The following UCP1 variants were observed in gnomAD, a reference collection of about 807,000 sequenced individuals.
UCP1 encodes mitochondrial brown fat uncoupling protein 1.
UCP1 carries 24 observed loss-of-function variants against 26.2 expected under a neutral mutation model. That is an observed-to-expected ratio of 0.92 (90% CI 0.66 to 1.29). The LOEUF is 1.29. Ranked by LOEUF, UCP1 falls within the 50% of genes most tolerant of loss-of-function variation. The pLI is 0.00. For synonymous variants in UCP1, 164 were observed against 156.8 expected, an observed-to-expected ratio of 1.05 and a Z score of -0.34; for missense variants, 402 against 388.7, an observed-to-expected ratio of 1.03 and a Z score of -0.29.
At chr4:140,560,366 C>T (rs78724285) in intron 5 of UCP1, among the ~76,000 whole-genome samples, 1,652 of 152,288 alleles carry the variant, frequency 0.011, 27 homozygotes, top group African/African-American at 0.038. Context: ...CAAAACAACA[C>T]AGCCCTGATG....
rs749324285 is a variant in UCP1, at chr4:140,563,156, T to A, written c.582A>T (p.Thr194=). 17 of 1,613,840 alleles carry A rather than the reference T, an allele frequency of 1.1e-5. No individual in the cohort carries two copies. In the Admixed American group the frequency reaches 2.8e-4, roughly 27 times the overall value. The change falls in exon 4 of 6, where the codon ACA becomes ACT. Residue 194 remains threonine (T), a synonymous_variant. Coordinates refer to ENST00000262999, the MANE Select transcript of UCP1 (RefSeq NM_021833.5). ...CAAAGGCCTCCTTCATTAGATCATA[T>A]GTTACTAGCTCTGTACAATTGATGA... is the stretch of plus-strand genomic sequence containing the variant. ...SVIINCTELV[T]YDLMKEAFVK...
At chr4:140,565,747 G>A (rs1383648828) in intron 2 of UCP1, among the ~76,000 whole-genome samples, 3 of 151,718 alleles carry the variant, frequency 2.0e-5, no homozygotes, top group Non-Finnish European at 4.4e-5. Flanking sequence ...GGCCCTTCCA[G>A]AATTGATCCA....
In UCP1 at chr4:140,563,204, A is replaced by C; in HGVS notation, c.534T>G (p.Thr178=). 6.2e-7 allele frequency: 1 copy of C among 1,612,724 alleles called. No individual in the cohort carries two copies. The highest frequency in any genetic ancestry group is 1.1e-5 in the South Asian group (1 of 91,062). ...EGLTGLWKGT[T]PNLMRSVIIN... is the part of the protein sequence containing the mutation. ...TGATGACACTTCTCATCAGATTGGG[A>C]GTAGTCCCTGGGGAAAAAAAAAAAG... is the stretch of plus-strand genomic sequence containing the variant. The change falls in exon 4 of 6, where the codon ACT becomes ACG. Residue 178 remains threonine, a synonymous_variant. Coordinates refer to ENST00000262999, the MANE Select transcript of UCP1 (RefSeq NM_021833.5).
chr4:140,564,853 CTTTTT>C (rs34057575), intron 2 of UCP1, among the ~76,000 whole-genome samples: 1 of 151,114 alleles, frequency 6.6e-6, no homozygotes, highest in Non-Finnish European at 1.5e-5. Context: ...GGAAAAGAGG[CTTTTT>C]TTTTAAGAAC....
intron 5 of UCP1, among the ~76,000 whole-genome samples, chr4:140,560,681 C>T (rs1395903575): frequency 6.6e-6 from 1 of 151,922 alleles, no homozygotes. Context: ...ACCCCTCTGC[C>T]CCAATTTTTT....
chr4:140,567,729 G>GAGC (rs953495993), intron 2 of UCP1, 50 bp downstream of exon 2: 38 of 1,608,620 alleles, frequency 2.4e-5, no homozygotes, highest in Non-Finnish European at 3.1e-5. Flanking sequence ...TTTTGGAACA[G>GAGC]AGCGGAGCCC....
At chr4:140,561,169 A>G (rs779726731) in intron 5 of UCP1, among the ~76,000 whole-genome samples, 3 of 152,224 alleles carry the variant, frequency 2.0e-5, no homozygotes, top group Non-Finnish European at 4.4e-5. Flanking sequence ...TTAATGTATC[A>G]TAAGTACAGA....
In UCP1 at chr4:140,563,205, G is replaced by A. The variant is rs1735718524; in HGVS notation, c.533C>T (p.Thr178Ile). 9 of 1,612,334 alleles carry A rather than the reference G, an allele frequency of 5.6e-6. No individual in the cohort carries two copies. The highest frequency in any genetic ancestry group is 7.6e-6 in the Non-Finnish European group (9 of 1,179,288). ...GATGACACTTCTCATCAGATTGGGA[G>A]TAGTCCCTGGGGAAAAAAAAAAAGA... is the stretch of plus-strand genomic sequence containing the variant. ...EGLTGLWKGT[T>I]PNLMRSVIIN... The change falls in exon 4 of 6, where the codon ACT becomes ATT. Residue 178 changes from threonine to isoleucine, a missense_variant. Transcript: ENST00000262999.
rs73856656 is a variant in UCP1, at chr4:140,568,763, G to A, written c.-34C>T. On this transcript the variant is annotated 5_prime_UTR_variant, in exon 1 of 6. Transcript: ENST00000262999. The stretch of plus-strand genomic sequence containing the variant: ...AGAGACTGGAGATGCAGAGGAAAAG[G>A]GCTCCAGCCCCGAAGGTGGAGGAAG... 1.7e-3 allele frequency: 2,724 copies of A among 1,559,492 alleles called. 33 individuals carry two copies. In the African/African-American group the frequency reaches 0.028, roughly 16 times the overall value.
Position 140,563,466 on chromosome 4 carries a change from C to T in UCP1, c.378G>A (p.Val126=), listed in dbSNP as rs1735732261. 1.9e-6 allele frequency: 3 copies of T among 1,614,052 alleles called. No homozygotes were observed. The highest frequency in any genetic ancestry group is 1.1e-5 in the South Asian group (1 of 91,084). Residue 126 remains valine, a synonymous_variant, in exon 3 of 6, where the codon GTG becomes GTA. Transcript: ENST00000262999. The part of the protein sequence containing the change: ...KILAGLTTGG[V]AVFIGQPTEV... ...CTGTGGGTTGCCCAATGAATACTGC[C>T]ACTCCTCCAGTCGTTAGACCAGCTA...
intron 5 of UCP1, among the ~76,000 whole-genome samples, chr4:140,561,867 C>G (rs1735684511): frequency 1.3e-5 from 2 of 152,134 alleles, no homozygotes; most frequent in South Asian, 4.1e-4. Flanking sequence ...TCATAGCTCT[C>G]TATTATGATT....
At chr4:140,562,452 C>T in intron 4 of UCP1, 79 bp from the exon 5 acceptor site, 3 of 1,437,030 alleles carry the variant, frequency 2.1e-6, no homozygotes, top group South Asian at 2.4e-5. Flanking sequence ...TCTTTATAAA[C>T]CTATTGATAA....
In UCP1 at chr4:140,562,361, CAGGGG is replaced by C; in HGVS notation, c.636_640del (p.Cys214LeufsTer27). 2 of 1,614,006 alleles carry C rather than the reference CAGGGG, an allele frequency of 1.2e-6. No homozygotes were observed. Among genetic ancestry groups the C allele is most frequent in the Non-Finnish European group, 1.7e-6 (2 of 1,179,980 alleles). On this transcript the variant is annotated frameshift_variant, in exon 5 of 6. Transcript: ENST00000262999. LOFTEE classifies it high-confidence loss of function. Reference sequence around the variant, plus strand: ...AGCGATAAGAGCCGACACCAAGTGGCAGGGGACGTCATCTAAAATGGATCGATGAA... The same window carrying C: ...AGCGATAAGAGCCGACACCAAGTGGCACGTCATCTAAAATGGATCGATGAA...
At chr4:140,563,278 G>A (rs374147979) in intron 3 of UCP1, 40 bp downstream of exon 3, 15 of 1,612,384 alleles carry the variant, frequency 9.3e-6, no homozygotes, top group Non-Finnish European at 1.2e-5. Context: ...TTGTATGTAT[G>A]TGCTTTGGTG....
intron 2 of UCP1, among the ~76,000 whole-genome samples, chr4:140,567,534 G>T (rs946651664): frequency 1.3e-5 from 2 of 152,228 alleles, no homozygotes; most frequent in African/African-American, 4.8e-5. Flanking sequence ...TCCAGATGGA[G>T]ATCCAAACTG....
In UCP1 at chr4:140,560,001, A is replaced by G. The variant is rs1373117851; in HGVS notation, c.819T>C (p.Pro273=). ...GPTAFFKGLV[P]SFLRLGSWNV... ...TCCAGGATCCAAGTCGCAAGAAGGA[A>G]GGTACCAACCTAGAAAAGTGCATGT... Residue 273 remains proline, a synonymous_variant, in exon 6 of 6, where the codon CCT becomes CCC. Coordinates refer to ENST00000262999, the MANE Select transcript of UCP1 (RefSeq NM_021833.5). 2 of 1,613,716 alleles carry G rather than the reference A, an allele frequency of 1.2e-6. No homozygotes were observed. Among genetic ancestry groups the G allele is most frequent in the Non-Finnish European group, 1.7e-6 (2 of 1,179,786 alleles).
At chr4:140,566,752 G>A (rs1735807443) in intron 2 of UCP1, among the ~76,000 whole-genome samples, 2 of 152,198 alleles carry the variant, frequency 1.3e-5, no homozygotes, top group Admixed American at 1.3e-4. Context: ...CCACATGAAA[G>A]TGCCTCTGAT....
intron 5 of UCP1, among the ~76,000 whole-genome samples, chr4:140,561,590 C>A (rs558050755): frequency 3.3e-5 from 5 of 152,202 alleles, no homozygotes; most frequent in Non-Finnish European, 7.3e-5. Flanking sequence ...CCTCCTGCCT[C>A]CATCTCCCAA....
Position 140,562,989 on chromosome 4 carries a change from A to T in UCP1, c.628+121T>A, listed in dbSNP as rs1735711529. ...ACAAAGTTATATATGGTTCAAAATT[A>T]CTTAATTTTTAAAAAGAGAAAACTA... On this transcript the variant is annotated intron_variant, in intron 4 of 5. Transcript: ENST00000262999. 9 of 840,456 alleles carry T rather than the reference A, an allele frequency of 1.1e-5. No individual in the cohort carries two copies. In the South Asian group the frequency reaches 1.2e-4, roughly 11 times the overall value. 52.1% of individuals were successfully genotyped at this position (840,456 alleles called of 1,614,324 possible).
Sources: allele counts gnomAD v4.1 joint callset (sites outside exome capture counted in the v4.1 genomes callset), GRCh38; gene constraint gnomAD v4.1.1; transcripts MANE v1.5; gene names NCBI Gene and HGNC (gene_info 2026-07-23, HGNC 2026-07-21).